PNPLA5: variants seen among roughly 807,000 people sequenced by gnomAD.
PNPLA5 encodes the protein patatin-like phospholipase domain-containing protein 5.
A neutral mutation model predicts 49.1 loss-of-function variants in PNPLA5; 44 were observed. The ratio of observed to expected loss-of-function variants is 0.90; its 90% CI spans 0.70 to 1.15. The LOEUF is 1.15. Ranked by LOEUF, PNPLA5 falls within the 50% of genes most tolerant of loss-of-function variation. PNPLA5 has a pLI of 0.00. For synonymous variants in PNPLA5, 243 were observed against 244.4 expected (o/e 0.99, Z 0.06); for missense variants, 603 against 564.0 (o/e 1.07, Z -0.70).
At chr22:43,889,730 C>G in intron 3 of PNPLA5, 69 bp downstream of exon 3, 1 of 1,555,994 alleles carries the variant, frequency 6.4e-7, no homozygotes, top group Non-Finnish European at 8.7e-7. Flanking sequence ...TTCCTCCACC[C>G]AAGCACCTCT....
chr22:43,888,766 A>G (rs181646596), intron 4 of PNPLA5, among the ~76,000 whole-genome samples: 1 of 152,276 alleles, frequency 6.6e-6, no homozygotes, highest in African/African-American at 2.4e-5. Context: ...TTGTCAAATT[A>G]TCTGTTTTCC....
intron 6 of PNPLA5, among the ~76,000 whole-genome samples, chr22:43,885,281 C>T (rs713633): frequency 0.37 from 56,783 of 151,442 alleles, 11,848 homozygotes; most frequent in East Asian, 0.92. Flanking sequence ...GTGTGGTCTC[C>T]GGCATGGAAA....
At chr22:43,889,280 G>T in intron 4 of PNPLA5, 49 bp downstream of exon 4, 1 of 1,599,842 alleles carries the variant, frequency 6.3e-7, no homozygotes, top group Non-Finnish European at 8.5e-7. Flanking sequence ...GACTCACGGG[G>T]CCCTTGACCT....
At chr22:43,889,987 G>A (rs540630490) in intron 2 of PNPLA5, 123 bp from the exon 3 acceptor site, 104 of 1,462,504 alleles carry the variant, frequency 7.1e-5, no homozygotes, top group Non-Finnish European at 8.5e-5. Flanking sequence ...ACGTCCAGAT[G>A]AGGGAGCTGA....
intron 5 of PNPLA5, among the ~76,000 whole-genome samples, chr22:43,887,384 T>C (rs548757756): frequency 6.6e-6 from 1 of 152,210 alleles, no homozygotes; most frequent in Non-Finnish European, 1.5e-5. Context: ...TCTGTCCCCC[T>C]GTACCAGGCT....
intron 1 of PNPLA5, 72 bp from the exon 2 acceptor site, chr22:43,891,366 C>T: frequency 6.8e-7 from 1 of 1,476,460 alleles, no homozygotes; most frequent in South Asian, 1.4e-5. Flanking sequence ...CCCCCACTGC[C>T]CTCCTAGGTG....
chr22:43,888,780 A>T (rs1241307796), intron 4 of PNPLA5, among the ~76,000 whole-genome samples: 7 of 152,292 alleles, frequency 4.6e-5, no homozygotes, highest in Non-Finnish European at 2.9e-5. Context: ...GTTTTCCAGA[A>T]ATACCAAGGG....
intron 7 of PNPLA5, among the ~76,000 whole-genome samples, chr22:43,883,531 CT>C (rs1463778697): frequency 6.6e-6 from 1 of 152,228 alleles, no homozygotes; most frequent in Admixed American, 6.5e-5. Flanking sequence ...GAAAAGGAAC[CT>C]GTAGCGGTGG....
rs1041581441 is a variant in PNPLA5 at position 43,889,448 on chromosome 22, T to C, written c.583A>G (p.Ile195Val). 2 of 1,614,054 alleles carry C rather than the reference T, an allele frequency of 1.2e-6. No homozygotes were observed. Among genetic ancestry groups the C allele is most frequent in the Non-Finnish European group, 1.7e-6 (2 of 1,180,004 alleles). Residue 195 changes from isoleucine (I) to valine (V), a missense_variant, in exon 4 of 9, where the codon ATC (isoleucine) becomes GTC (valine). Transcript: ENST00000216177. ...TTGGGGGAGGTGCTCTGGGGGCAGA[T>C]GTCCACTGTCCCATGGAAGGGCGAC... The part of the protein sequence containing the change: ...TVSPFHGTVD[I>V]CPQSTSPNLH...
At position 43,884,386 on chromosome 22, in the gene PNPLA5, C is replaced by T. The variant is rs1053725049; in HGVS notation, c.950-41G>A. On this transcript the variant is annotated intron_variant, in intron 6 of 8. Transcript: ENST00000216177. ...TGGCATGGCCCTGCCCACCTGAAGT[C>T]TGTGGGCCAGCAACCTGAGCCCCCC... 6 of 1,494,412 alleles carry T rather than the reference C, an allele frequency of 4.0e-6. No individual in the cohort carries two copies. The African/African-American group carries it at 8.5e-5, about 21-fold the overall frequency. 92.6% of individuals were successfully genotyped at this position (1,494,412 alleles called of 1,614,324 possible). A position where few individuals can be genotyped will look rare whatever the true frequency, so the allele number is the denominator to read the frequency against.
chr22:43,883,058 G>A (rs972275722), intron 7 of PNPLA5, among the ~76,000 whole-genome samples: 1 of 151,940 alleles, frequency 6.6e-6, no homozygotes, highest in Non-Finnish European at 1.5e-5. Context: ...CCTGCTCCTC[G>A]AATGGGCCTT....
chr22:43,889,238 G>T (rs117421847), intron 4 of PNPLA5, 91 bp downstream of exon 4: 3 of 1,420,300 alleles, frequency 2.1e-6, no homozygotes, highest in Non-Finnish European at 2.9e-6. Context: ...TCAGGCTCGG[G>T]GGGCAGTGGG....
intron 7 of PNPLA5, among the ~76,000 whole-genome samples, chr22:43,882,438 G>C (rs75638376): frequency 6.6e-6 from 1 of 152,226 alleles, no homozygotes; most frequent in African/African-American, 2.4e-5. Flanking sequence ...CACCCTTGGA[G>C]GGGCCCCTAC....
At position 43,889,484 on chromosome 22, in the gene PNPLA5, T is replaced by A. The variant is rs1425296788; in HGVS notation, c.547A>T (p.Thr183Ser). The change falls in exon 4 of 9, where the codon ACC becomes TCC. Residue 183 changes from threonine (T) to serine (S), a missense_variant. Coordinates refer to ENST00000216177, the MANE Select transcript of PNPLA5 (RefSeq NM_138814.4). Reference sequence around the variant, plus strand: ...CCATGGAAGGGCGACACCGTGATGGTGGAGGGGCAGTCTGCAAAGGGCAAG... The same window carrying A: ...CCATGGAAGGGCGACACCGTGATGGAGGAGGGGCAGTCTGCAAAGGGCAAG... Reference protein sequence around the residue: ...NNLPFADCPSTITVSPFHGTV... With the variant: ...NNLPFADCPSSITVSPFHGTV... The A allele has an allele frequency of 6.2e-7, 1 of 1,613,558 alleles. No individual in the cohort carries two copies. The highest frequency in any genetic ancestry group is 2.2e-5 in the East Asian group (1 of 44,852).
chr22:43,889,559 G>A (rs1004300976), intron 3 of PNPLA5, 21 bp from the exon 4 acceptor site: 1 of 1,585,020 alleles, frequency 6.3e-7, no homozygotes, highest in Non-Finnish European at 8.6e-7. Flanking sequence ...TGGGGAGCAG[G>A]TGGGTGGTGC....
Position 43,887,835 on chromosome 22 carries a change from G to A in PNPLA5, c.703-184C>T, listed in dbSNP as rs542460930. On this transcript the variant is annotated intron_variant, in intron 4 of 8. Coordinates refer to ENST00000216177, the MANE Select transcript of PNPLA5 (RefSeq NM_138814.4). ...AGGACCTTAGCACTGGGCAGGAGGG[G>A]CCAGAGGCCTGCAGGCAGAACAGAT... The A allele has an allele frequency of 4.2e-5, 38 of 903,448 alleles. No individual in the cohort carries two copies. The South Asian group carries it at 1.6e-3, about 39-fold the overall frequency. 56.0% of individuals were successfully genotyped at this position (903,448 alleles called of 1,614,324 possible). A position where few individuals can be genotyped will look rare whatever the true frequency, so the allele number is the denominator to read the frequency against.
At chr22:43,881,480 C>T (rs192390651) in intron 8 of PNPLA5, 78 bp downstream of exon 8, 4 of 1,423,992 alleles carry the variant, frequency 2.8e-6, no homozygotes, top group Non-Finnish European at 3.8e-6. Context: ...CCGGCCTACC[C>T]AGGGTCCAGG....
chr22:43,881,087 C>G, intron 8 of PNPLA5: 1 of 685,654 alleles, frequency 1.5e-6, no homozygotes, highest in East Asian at 1.4e-4. Flanking sequence ...GAGAACTGCA[C>G]TGATGTCCCT....
chr22:43,886,461 G>T lies in PNPLA5; in HGVS notation c.791C>A (p.Thr264Lys), dbSNP rs749917334. The T allele has an allele frequency of 3.1e-6, 5 of 1,613,840 alleles. No individual in the cohort carries two copies. In the Admixed American group the frequency reaches 8.3e-5, roughly 27 times the overall value. Residue 264 changes from threonine to lysine, a missense_variant, in exon 6 of 9, where the codon ACG (threonine) becomes AAG (lysine). Coordinates refer to ENST00000216177, the MANE Select transcript of PNPLA5 (RefSeq NM_138814.4). ...RGLTKEPVLW[T>K]LVSKEPPAPA... ...GGCTGGGGGTTCCTTAGACACCAGC[G>T]TCCATAGCACTGGTTCCTTGGTGAG...
Sources: gnomAD v4.1 joint callset for allele counts (sites outside exome capture counted in the v4.1 genomes callset) on GRCh38, gnomAD v4.1.1 for gene constraint, MANE v1.5 for transcripts, NCBI Gene and HGNC (gene_info 2026-07-23, HGNC 2026-07-21) for gene names.